The following DISC1 variants were observed in gnomAD, a reference collection of about 807,000 sequenced individuals.
DISC1 encodes the protein DISC1 scaffold protein, also known as disrupted in schizophrenia 1 protein.
DISC1 carries 57 observed loss-of-function variants against 84.5 expected under a neutral mutation model. That is an observed-to-expected ratio of 0.67 (90% CI 0.55 to 0.84). DISC1 has a LOEUF of 0.84. Ranked by LOEUF, DISC1 falls within the 40% of genes least tolerant of loss-of-function variation. DISC1 has a pLI of 0.00. For synonymous variants in DISC1, 411 were observed against 415.2 expected (o/e 0.99, Z 0.12); for missense variants, 1,000 against 1,057.8 (o/e 0.95, Z 0.76).
chr1:231,708,889 A>AT (rs1394574811), intron 3 of DISC1, among the ~76,000 whole-genome samples: 1 of 152,242 alleles, frequency 6.6e-6, no homozygotes, highest in African/African-American at 2.4e-5. Context: ...TATCTAAAAA[A>AT]TTAGTCTATT....
At chr1:231,985,959 A>G (rs977892819) in intron 10 of DISC1, among the ~76,000 whole-genome samples, 2 of 152,208 alleles carry the variant, frequency 1.3e-5, no homozygotes, top group African/African-American at 2.4e-5. Context: ...GTGCCATCAG[A>G]TCATGAGTCT....
chr1:231,954,402 C>T lies in DISC1; in HGVS notation c.1982-4426C>T, dbSNP rs931850278. Reference sequence around the variant, plus strand: ...GCATTTAATTATCAATCTGTTAATCCAAGTTTTTGTTTAATTGGATTCATC... The same window carrying T: ...GCATTTAATTATCAATCTGTTAATCTAAGTTTTTGTTTAATTGGATTCATC... On this transcript the variant is annotated intron_variant, in intron 9 of 12. Transcript: ENST00000439617. The surrounding 1 kb of genome is among the most constrained non-coding windows in gnomAD (Gnocchi z 4.8). 3.9e-5 allele frequency among the ~76,000 whole-genome samples: 6 copies of T among 152,216 alleles called. No homozygotes were observed. In the South Asian group the frequency reaches 1.2e-3, roughly 32 times the overall value.
At chr1:231,953,271 A>G (rs1433904609) in intron 9 of DISC1, among the ~76,000 whole-genome samples, 1 of 152,138 alleles carries the variant, frequency 6.6e-6, no homozygotes, top group Non-Finnish European at 1.5e-5. Flanking sequence ...AAAACTCTCT[A>G]GGTTTTAGGG....
At chr1:231,875,400 C>T (rs2085805474) in intron 9 of DISC1, among the ~76,000 whole-genome samples, 2 of 152,302 alleles carry the variant, frequency 1.3e-5, no homozygotes, top group Non-Finnish European at 1.5e-5. Context: ...AGGGGCTCCT[C>T]ATCCTGCTGC....
In DISC1 at chr1:232,037,840, C is replaced by CAGTATTCAGTAAGGCAGTGA. The variant is rs1195824891; in HGVS notation, c.*1013_*1014insTTCAGTAAGGCAGTGAAGTA. The CAGTATTCAGTAAGGCAGTGA allele has an allele frequency of 7.9e-5, 12 of 151,370 alleles. No individual in the cohort carries two copies. Among genetic ancestry groups the CAGTATTCAGTAAGGCAGTGA allele is most frequent in the African/African-American group, 2.9e-4 (12 of 41,398 alleles). 9.4% of individuals were successfully genotyped at this position (151,370 alleles called of 1,614,324 possible). On this transcript the variant is annotated 3_prime_UTR_variant, in exon 13 of 13. Coordinates refer to ENST00000439617, the MANE Select transcript of DISC1 (RefSeq NM_018662.3). ...CAGTGAAGTACTCAGTAATACAATA[C>CAGTATTCAGTAAGGCAGTGA]AGTACTCAGTTAGGCAGTGCAGTAC...
chr1:231,741,484 TGAGCCAGGCAGCATCCCAGGTGCAGG>T (rs2073263557), intron 3 of DISC1, among the ~76,000 whole-genome samples: 2 of 152,220 alleles, frequency 1.3e-5, no homozygotes, highest in Non-Finnish European at 2.9e-5. Context: ...CAATTTGCTG[TGAGCCAGGCAGCATCCCAGGTGCAGG>T]TCACTATACA....
intron 6 of DISC1, among the ~76,000 whole-genome samples, chr1:231,785,938 G>A (rs570451970): frequency 6.6e-6 from 1 of 152,178 alleles, no homozygotes; most frequent in East Asian, 1.9e-4. Context: ...CCCTCACTTA[G>A]TGTAAAAAAT....
chr1:231,728,889 A>G (rs1278100036), intron 3 of DISC1, among the ~76,000 whole-genome samples: 1 of 152,182 alleles, frequency 6.6e-6, no homozygotes, highest in South Asian at 2.1e-4. Flanking sequence ...CATGTGCACA[A>G]CGTGCAGGTT....
chr1:231,960,003 G>A (rs1254730597), intron 10 of DISC1, among the ~76,000 whole-genome samples: 1 of 152,202 alleles, frequency 6.6e-6, no homozygotes, highest in East Asian at 1.9e-4. Context: ...GCAGCCAGTG[G>A]TAGCCATAAG....
chr1:232,025,723 A>G (rs963187505), intron 11 of DISC1, among the ~76,000 whole-genome samples: 2 of 151,588 alleles, frequency 1.3e-5, no homozygotes, highest in Non-Finnish European at 2.9e-5. Context: ...CAGCCTCCCA[A>G]GTAGCTGGGA....
chr1:231,763,732 C>G (rs1422421548), intron 4 of DISC1, among the ~76,000 whole-genome samples: 1 of 152,198 alleles, frequency 6.6e-6, no homozygotes, highest in Non-Finnish European at 1.5e-5. Context: ...CATCATTGGT[C>G]CATGCCTTGC....
At chr1:231,950,383 G>T (rs1404392376) in intron 9 of DISC1, among the ~76,000 whole-genome samples, 2 of 152,092 alleles carry the variant, frequency 1.3e-5, no homozygotes, top group Non-Finnish European at 2.9e-5. Flanking sequence ...TAATCTCCAG[G>T]TCACAACTCT....
intron 9 of DISC1, among the ~76,000 whole-genome samples, chr1:231,877,497 A>G (rs2085975305): frequency 6.6e-6 from 1 of 152,218 alleles, no homozygotes; most frequent in African/African-American, 2.4e-5. Flanking sequence ...ATAAGTATTG[A>G]TGTAATCCCA....
rs563198188 is a variant in DISC1, at chr1:231,964,383, C to G, written c.2042+5495C>G. On this transcript the variant is annotated intron_variant, in intron 10 of 12. Coordinates refer to ENST00000439617, the MANE Select transcript of DISC1 (RefSeq NM_018662.3). Reference sequence around the variant, plus strand: ...CTCTTGACTCACATACCTTAGCTACCTAGGATCCTGCCACAGTCTCAAATG... The same window carrying G: ...CTCTTGACTCACATACCTTAGCTACGTAGGATCCTGCCACAGTCTCAAATG... Among the ~76,000 whole-genome samples the G allele has an allele frequency of 3.2e-4, 49 of 152,328 alleles. No individual in the cohort carries two copies. The South Asian group carries it at 5.8e-3, about 18-fold the overall frequency.
In DISC1 at chr1:231,958,861, T is replaced by C. The variant is rs1329011160; in HGVS notation, c.2015T>C (p.Met672Thr). 2 of 1,613,844 alleles carry C rather than the reference T, an allele frequency of 1.2e-6. No homozygotes were observed. The highest frequency in any genetic ancestry group is 2.2e-5 in the East Asian group (1 of 44,874). ...GTGAAGGAAAATACTATGAAGTACA[T>C]GGAAACACTTAAGAATAAACTGTGC... The part of the protein sequence containing the change: ...TSVKENTMKY[M>T]ETLKNKLCSC... The change falls in exon 10 of 13, where the codon ATG becomes ACG. Residue 672 changes from methionine to threonine, a missense_variant. Physicochemically the swap from Met to Thr is moderately conservative, Grantham distance 81. Transcript: ENST00000439617.
rs766361575 is a variant in DISC1 at position 231,770,922 on chromosome 1, C to A, written c.1486C>A (p.Gln496Lys). ...LRREIEEQEQ[Q>K]LQWQGCDLTP... is the part of the protein sequence containing the mutation. ...AAGGGAAATAGAGGAGCAAGAGCAG[C>A]AACTCCAGTGGCAGGGCTGCGACCT... Residue 496 changes from glutamine to lysine, a missense_variant, in exon 6 of 13, where the codon CAA becomes AAA. This residue lies in a region of DISC1 where 311 missense variants were observed against 400.1 expected (regional missense o/e 0.78). Transcript: ENST00000439617. 10 of 1,614,206 alleles carry A rather than the reference C, an allele frequency of 6.2e-6. No individual in the cohort carries two copies. The highest frequency in any genetic ancestry group is 8.5e-6 in the Non-Finnish European group (10 of 1,180,034).
chr1:231,663,070 G>A (rs1217791605), intron 1 of DISC1, among the ~76,000 whole-genome samples: 2 of 151,370 alleles, frequency 1.3e-5, no homozygotes, highest in Admixed American at 1.3e-4. Flanking sequence ...AGAAAAACAT[G>A]ATCTAACTGC....
intron 4 of DISC1, chr1:231,750,406 C>T (rs765166874): frequency 2.7e-6 from 3 of 1,110,142 alleles, no homozygotes; most frequent in Non-Finnish European, 3.3e-6. Context: ...AGCTTGGTGT[C>T]CTGTGATCAT....
chr1:231,706,601 C>T (rs908160179), intron 3 of DISC1, among the ~76,000 whole-genome samples: 4 of 152,226 alleles, frequency 2.6e-5, no homozygotes, highest in Non-Finnish European at 2.9e-5. Context: ...CAGCTGGCTT[C>T]ACTCTGCTTG....
Sources: allele counts gnomAD v4.1 joint callset (sites outside exome capture counted in the v4.1 genomes callset), GRCh38; gene constraint gnomAD v4.1.1; regional missense constraint gnomAD v4.1.1; non-coding constraint Gnocchi (gnomAD v3.1); transcripts MANE v1.5; gene names NCBI Gene and HGNC (gene_info 2026-07-23, HGNC 2026-07-21).